Variants in SEMA3A observed in about 807,000 individuals in gnomAD.
SEMA3A encodes semaphorin 3A.
Under a neutral mutation model 97.9 loss-of-function variants are expected in SEMA3A, and 29 were observed. The ratio of observed to expected loss-of-function variants is 0.30; its 90% CI spans 0.22 to 0.40. The LOEUF (loss-of-function observed/expected upper bound fraction) is 0.40, where lower values mean the gene tolerates loss of function less well. Ranked by LOEUF, SEMA3A falls within the 10% of genes least tolerant of loss-of-function variation. SEMA3A has a pLI of 1.00. For missense variants in SEMA3A, 763 were observed against 951.3 expected, an observed-to-expected ratio of 0.80 and a Z score of 2.60; for synonymous variants, 321 against 323.7, an observed-to-expected ratio of 0.99 and a Z score of 0.09.
chr7:84,400,456 A>C (rs1363089712), intron 1 of SEMA3A, among the ~76,000 whole-genome samples: 1 of 152,200 alleles, frequency 6.6e-6, no homozygotes, highest in Non-Finnish European at 1.5e-5. Context: ...TAATTTTAAA[A>C]ATCAAACAAA....
intron 3 of SEMA3A, among the ~76,000 whole-genome samples, chr7:84,123,398 T>C (rs1486284653): frequency 6.7e-6 from 1 of 149,948 alleles, no homozygotes; most frequent in African/African-American, 2.5e-5. Flanking sequence ...ATAACAGCTC[T>C]CAAGTAACAG....
chr7:84,133,978 C>T (rs1005914591), intron 2 of SEMA3A, among the ~76,000 whole-genome samples: 7 of 151,162 alleles, frequency 4.6e-5, no homozygotes, highest in South Asian at 2.1e-4. Flanking sequence ...AGGAGAATGG[C>T]GTGAACCTGG....
intron 2 of SEMA3A, among the ~76,000 whole-genome samples, chr7:84,358,360 G>A (rs1360174904): frequency 6.6e-6 from 1 of 152,132 alleles, no homozygotes; most frequent in South Asian, 2.1e-4. Flanking sequence ...CATATGGCTA[G>A]CCAGTTTTCC....
chr7:84,172,908 A>G (rs888752335), intron 1 of SEMA3A, among the ~76,000 whole-genome samples: 9 of 152,202 alleles, frequency 5.9e-5, no homozygotes, highest in Non-Finnish European at 5.9e-5. Flanking sequence ...TTCCTGACTT[A>G]TTACAGGTAA....
chr7:84,109,040 TC>T lies in SEMA3A; in HGVS notation c.453+1429del, dbSNP rs143562613. On this transcript the variant is annotated intron_variant, in intron 4 of 16. Coordinates refer to ENST00000265362, the MANE Select transcript of SEMA3A (RefSeq NM_006080.3). ...GTGCAATATCATGCGGAGGGAGTTC[TC>T]TAGAGCTATCTTCAGAATATAGAAA... Among the ~76,000 whole-genome samples the T allele has an allele frequency of 5.3e-3, 813 of 152,176 alleles. 6 individuals are homozygous for T. Among genetic ancestry groups the T allele is most frequent in the East Asian group, 0.017 (87 of 5,174 alleles).
At chr7:84,420,427 G>T (rs896413850) in intron 1 of SEMA3A, among the ~76,000 whole-genome samples, 1 of 151,954 alleles carries the variant, frequency 6.6e-6, no homozygotes, top group Non-Finnish European at 1.5e-5. Flanking sequence ...AAATTCACTA[G>T]AGTGCTCAAT....
intron 3 of SEMA3A, among the ~76,000 whole-genome samples, chr7:84,225,433 T>C (rs1056264904): frequency 1.3e-5 from 2 of 152,102 alleles, no homozygotes; most frequent in Non-Finnish European, 2.9e-5. Context: ...AGCAAGATTA[T>C]TGCTTTTGCG....
At chr7:84,446,513 A>G (rs1584331193) in intron 1 of SEMA3A, among the ~76,000 whole-genome samples, 1 of 152,238 alleles carries the variant, frequency 6.6e-6, no homozygotes, top group East Asian at 1.9e-4. Context: ...AAAATGGTTC[A>G]ACATAAGAAA....
At chr7:84,077,283 T>C (rs1793987900) in intron 4 of SEMA3A, among the ~76,000 whole-genome samples, 2 of 152,112 alleles carry the variant, frequency 1.3e-5, no homozygotes, top group African/African-American at 4.8e-5. Flanking sequence ...CACCATTATT[T>C]TTATTTGTGA....
rs1253587639 is a variant in SEMA3A, at chr7:84,062,863, A to G, written c.454-2305T>C. Among the ~76,000 whole-genome samples the G allele has an allele frequency of 6.0e-3, 907 of 150,538 alleles. 5 individuals carry two copies. The highest frequency in any genetic ancestry group is 0.021 in the Middle Eastern group (6 of 288). ...GGGGGAGGGGCGTCCGCCATTGCCA[A>G]ACTTGATTAGGTAAACAAAGCAGCC... On this transcript the variant is annotated intron_variant, in intron 4 of 16. Coordinates refer to ENST00000265362, the MANE Select transcript of SEMA3A (RefSeq NM_006080.3).
intron 6 of SEMA3A, 28 bp downstream of exon 6, chr7:84,046,287 CATGTTACAT>C: frequency 6.2e-7 from 1 of 1,607,400 alleles, no homozygotes; most frequent in Non-Finnish European, 8.5e-7. Context: ...TACAGTTACA[CATGTTACAT>C]GTCTATGTTC....
chr7:84,038,364 T>C (rs895474891), intron 6 of SEMA3A, among the ~76,000 whole-genome samples: 13 of 152,156 alleles, frequency 8.5e-5, no homozygotes, highest in African/African-American at 2.9e-4. Context: ...ATTTTAATTG[T>C]TCCATTCATT....
chr7:84,303,115 C>T (rs1350398008), intron 3 of SEMA3A, among the ~76,000 whole-genome samples: 1 of 152,172 alleles, frequency 6.6e-6, no homozygotes, highest in African/African-American at 2.4e-5. Context: ...CACCTACTCA[C>T]AGCCATTCCA....
At chr7:83,996,191 C>T (rs1790209695) in intron 12 of SEMA3A, among the ~76,000 whole-genome samples, 2 of 151,630 alleles carry the variant, frequency 1.3e-5, no homozygotes, top group African/African-American at 2.4e-5. Flanking sequence ...GCTTTTATAT[C>T]TTCTGAGTAT....
intron 3 of SEMA3A, among the ~76,000 whole-genome samples, chr7:84,206,834 T>A (rs1233319874): frequency 1.0e-5 from 1 of 96,654 alleles, no homozygotes; most frequent in African/African-American, 3.2e-5. Context: ...TGACAGGATA[T>A]GGTAAAAAAA....
chr7:84,387,171 T>C (rs915085689), intron 1 of SEMA3A, among the ~76,000 whole-genome samples: 1 of 152,186 alleles, frequency 6.6e-6, no homozygotes, highest in Non-Finnish European at 1.5e-5. Context: ...TATTTTCTCT[T>C]CTTTTACATA....
chr7:84,432,359 G>A (rs1178605025), intron 1 of SEMA3A, among the ~76,000 whole-genome samples: 9 of 151,512 alleles, frequency 5.9e-5, no homozygotes, highest in Non-Finnish European at 8.8e-5. Context: ...TTATTCTCTT[G>A]TTTCTCTTTA....
intron 3 of SEMA3A, among the ~76,000 whole-genome samples, chr7:84,267,308 C>T (rs1278386650): frequency 6.6e-6 from 1 of 152,120 alleles, no homozygotes; most frequent in Admixed American, 6.6e-5. Flanking sequence ...GTTTTCATGA[C>T]TCTCTTACCC....
chr7:84,371,569 C>T (rs1802978025), intron 2 of SEMA3A, among the ~76,000 whole-genome samples: 1 of 151,746 alleles, frequency 6.6e-6, no homozygotes, highest in South Asian at 2.1e-4. Flanking sequence ...ATATCCATCT[C>T]ATTACTTATA....
Sources: gnomAD v4.1 joint callset for allele counts (sites outside exome capture counted in the v4.1 genomes callset) on GRCh38, gnomAD v4.1.1 for gene constraint, MANE v1.5 for transcripts, NCBI Gene and HGNC (gene_info 2026-07-23, HGNC 2026-07-21) for gene names.